Variants in SEMA3F observed in about 807,000 individuals in gnomAD.
SEMA3F encodes the protein semaphorin-3F.
SEMA3F carries 30 observed loss-of-function variants against 98.5 expected under a neutral mutation model. That is an observed-to-expected ratio of 0.30 (90% CI 0.23 to 0.41). SEMA3F has a LOEUF of 0.41. Among genes scored for constraint, SEMA3F ranks in the 10% least tolerant of loss-of-function variants. SEMA3F has a pLI of 1.00. For missense variants in SEMA3F, 866 were observed against 1,119.3 expected (o/e 0.77, Z 3.23); for synonymous variants, 380 against 444.8 (o/e 0.85, Z 1.83).
In SEMA3F at chr3:50,159,709, G is replaced by T; in HGVS notation, c.87G>T (p.Thr29=). ...SFPTQDHLPA[T]PRVRLSFKEL... is the part of the protein sequence containing the mutation. ...CCACCCAGGACCACCTCCCGGCCAC[G>T]CCCCGGGTCCGGCTCTCATTCAAAG... is the stretch of plus-strand genomic sequence containing the variant. The change falls in exon 2 of 19, where the codon ACG becomes ACT. Residue 29 remains threonine (T), a synonymous_variant. Coordinates refer to ENST00000002829, the MANE Select transcript of SEMA3F (RefSeq NM_004186.5). The T allele has an allele frequency of 1.2e-6, 2 of 1,611,944 alleles. No homozygotes were observed. Among genetic ancestry groups the T allele is most frequent in the Non-Finnish European group, 8.5e-7 (1 of 1,178,820 alleles).
intron 14 of SEMA3F, 60 bp downstream of exon 14, chr3:50,185,591 C>A (rs1229167907): frequency 6.2e-7 from 1 of 1,612,372 alleles, no homozygotes; most frequent in African/African-American, 1.3e-5. Context: ...CAGTCCCAGC[C>A]TCTGACCTGA....
chr3:50,155,609 C>A lies in SEMA3F; in HGVS notation c.-49+45C>A. The A allele has an allele frequency of 3.7e-6, 1 of 267,776 alleles. No homozygotes were observed. Among genetic ancestry groups the A allele is most frequent in the East Asian group, 6.3e-5 (1 of 15,980 alleles). 16.6% of individuals were successfully genotyped at this position (267,776 alleles called of 1,614,324 possible). ...GGAGGGAGCGGGCAGGCGGCCGGGC[C>A]ACCCCGCGACCCCTCTGGGACCCGC... On this transcript the variant is annotated intron_variant, in intron 1 of 18. Transcript: ENST00000002829. This position sits in a 1 kb window ranked among gnomAD's most constrained non-coding sequence, Gnocchi z 4.9.
Position 50,181,320 on chromosome 3 carries a change from T to A in SEMA3F, c.644-964T>A, listed in dbSNP as rs193168530. Among the ~76,000 whole-genome samples the A allele has an allele frequency of 2.1e-3, 317 of 151,988 alleles. 4 individuals carry two copies. Among genetic ancestry groups the A allele is most frequent in the African/African-American group, 6.6e-3 (275 of 41,500 alleles). ...TTTGTTTTTTTGTGTTTTTTTTTTT[T>A]ATTTTTGTTCCTGCTTTTTGAGACG... On this transcript the variant is annotated intron_variant, in intron 7 of 18. Coordinates refer to ENST00000002829, the MANE Select transcript of SEMA3F (RefSeq NM_004186.5).
At chr3:50,173,669 A>G (rs903408842) in intron 2 of SEMA3F, 124 bp from the exon 3 acceptor site, 10 of 739,356 alleles carry the variant, frequency 1.4e-5, no homozygotes, top group Non-Finnish European at 1.8e-5. Flanking sequence ...AAGAAAGAAA[A>G]AAGACCACTC....
At position 50,186,064 on chromosome 3, in the gene SEMA3F, C is replaced by A; in HGVS notation, c.1745+18C>A. The A allele has an allele frequency of 6.3e-7, 1 of 1,590,122 alleles. No homozygotes were observed. Among genetic ancestry groups the A allele is most frequent in the Non-Finnish European group, 8.6e-7 (1 of 1,164,506 alleles). On this transcript the variant is annotated intron_variant, in intron 16 of 18. Coordinates refer to ENST00000002829, the MANE Select transcript of SEMA3F (RefSeq NM_004186.5). ...TCCAAGAGGTGTGGACCCCTAGACACCTAGAATTTTAGCAACCAGTCCCAG... is the reference window on the plus strand; with the variant it reads ...TCCAAGAGGTGTGGACCCCTAGACAACTAGAATTTTAGCAACCAGTCCCAG...
chr3:50,157,084 G>T (rs1030937607), intron 1 of SEMA3F, among the ~76,000 whole-genome samples: 1 of 152,074 alleles, frequency 6.6e-6, no homozygotes, highest in East Asian at 1.9e-4. Flanking sequence ...TACGGCCCCT[G>T]TTCCTGCCTC....
In SEMA3F at chr3:50,182,312, C is replaced by T. The variant is rs759856982; in HGVS notation, c.672C>T (p.Ile224=). 6.8e-6 allele frequency: 11 copies of T among 1,613,978 alleles called. No individual in the cohort carries two copies. Among genetic ancestry groups the T allele is most frequent in the Admixed American group, 5.0e-5 (3 of 60,002 alleles). ...INEELYAGVY[I]DFMGTDAAIF... Reference sequence around the variant, plus strand: ...AGGAGCTCTATGCTGGTGTGTACATCGATTTTATGGGCACTGATGCAGCCA... The same window carrying T: ...AGGAGCTCTATGCTGGTGTGTACATTGATTTTATGGGCACTGATGCAGCCA... Residue 224 remains isoleucine, a synonymous_variant, in exon 8 of 19, where the codon ATC becomes ATT. Transcript: ENST00000002829. The surrounding 1 kb of genome is among the most constrained non-coding windows in gnomAD (Gnocchi z 4.5).
Position 50,186,262 on chromosome 3 carries a change from A to G in SEMA3F, c.1746-19A>G. 6.2e-7 allele frequency: 1 copy of G among 1,612,532 alleles called. No individual in the cohort carries two copies. The highest frequency in any genetic ancestry group is 8.5e-7 in the Non-Finnish European group (1 of 1,179,380). Reference sequence around the variant, plus strand: ...GCAAGCTTCCTGGGAGCACTCCTTCAGGGGCTATCCTCATCCAGGCGGAGC... The same window carrying G: ...GCAAGCTTCCTGGGAGCACTCCTTCGGGGGCTATCCTCATCCAGGCGGAGC... On this transcript the variant is annotated intron_variant, in intron 16 of 18. Coordinates refer to ENST00000002829, the MANE Select transcript of SEMA3F (RefSeq NM_004186.5).
chr3:50,182,337 A>G lies in SEMA3F; in HGVS notation c.697A>G (p.Ile233Val). ...YIDFMGTDAA[I>V]FRTLGKQTAM... Reference sequence around the variant, plus strand: ...CGATTTTATGGGCACTGATGCAGCCATCTTCCGCACACTTGGAAAGCAGAC... The same window carrying G: ...CGATTTTATGGGCACTGATGCAGCCGTCTTCCGCACACTTGGAAAGCAGAC... Residue 233 changes from isoleucine (I) to valine (V), a missense_variant, in exon 8 of 19, where the codon ATC (isoleucine) becomes GTC (valine). Physicochemically the swap from Ile to Val is conservative, Grantham distance 29. Transcript: ENST00000002829. This position sits in a 1 kb window ranked among gnomAD's most constrained non-coding sequence, Gnocchi z 4.5. 1.9e-6 allele frequency: 3 copies of G among 1,614,094 alleles called. No homozygotes were observed. The highest frequency in any genetic ancestry group is 2.5e-6 in the Non-Finnish European group (3 of 1,180,030).
chr3:50,182,689 G>A lies in SEMA3F; in HGVS notation c.809G>A (p.Arg270His), dbSNP rs759325844. The A allele has an allele frequency of 7.4e-6, 12 of 1,613,706 alleles. No homozygotes were observed. Among genetic ancestry groups the A allele is most frequent in the Non-Finnish European group, 9.3e-6 (11 of 1,180,018 alleles). Reference protein sequence around the residue: ...HAELIPDSAERNDDKLYFFFR... With the variant: ...HAELIPDSAEHNDDKLYFFFR... ...GAGCTCATTCCTGACAGTGCGGAGC[G>A]CAATGATGATAAGCTTTACTTCTTC... The change falls in exon 9 of 19, where the codon CGC becomes CAC. Residue 270 changes from arginine (R) to histidine (H), a missense_variant. This residue lies in a region of SEMA3F where 374 missense variants were observed against 582.8 expected (regional missense o/e 0.64). Coordinates refer to ENST00000002829, the MANE Select transcript of SEMA3F (RefSeq NM_004186.5). This position sits in a 1 kb window ranked among gnomAD's most constrained non-coding sequence, Gnocchi z 4.5.
chr3:50,185,757 CT>C, intron 15 of SEMA3F, 50 bp downstream of exon 15: 1 of 1,611,294 alleles, frequency 6.2e-7, no homozygotes, highest in Non-Finnish European at 8.5e-7. Context: ...CCTGCATCCC[CT>C]CAGGGTCATG....
In SEMA3F at chr3:50,186,786, C is replaced by T. The variant is rs147445085; in HGVS notation, c.1947+40C>T. The stretch of plus-strand genomic sequence containing the variant: ...CCGGTGCTGCACCGTGGATGTGAGT[C>T]CTTGCACAGTGGTGAAATGTAGTAG... On this transcript the variant is annotated intron_variant, in intron 18 of 18. Coordinates refer to ENST00000002829, the MANE Select transcript of SEMA3F (RefSeq NM_004186.5). 4.6e-4 allele frequency: 708 copies of T among 1,544,630 alleles called. 2 individuals are homozygous for T. Among genetic ancestry groups the T allele is most frequent in the South Asian group, 2.5e-3 (211 of 84,496 alleles).
chr3:50,187,921 C>A lies in SEMA3F; in HGVS notation c.2164C>A (p.Pro722Thr). 2 of 1,607,840 alleles carry A rather than the reference C, an allele frequency of 1.2e-6. No homozygotes were observed. Among genetic ancestry groups the A allele is most frequent in the Non-Finnish European group, 1.7e-6 (2 of 1,176,846 alleles). ...MSAPPPPGAG[P>T]PTPPYQELAQ... ...CGCCCCGCCACCCCCAGGCGCAGGCCCCCCAACGCCTCCTTACCAGGAGTT... is the reference window on the plus strand; with the variant it reads ...CGCCCCGCCACCCCCAGGCGCAGGCACCCCAACGCCTCCTTACCAGGAGTT... The change falls in exon 19 of 19, where the codon CCC becomes ACC. Residue 722 changes from proline to threonine, a missense_variant. Pro to Thr is a conservative substitution (Grantham distance 38). This residue lies in a region of SEMA3F where 245 missense variants were observed against 260.5 expected (regional missense o/e 0.94). Transcript: ENST00000002829.
At chr3:50,176,111 G>A (rs1295219255) in intron 6 of SEMA3F, among the ~76,000 whole-genome samples, 2 of 152,270 alleles carry the variant, frequency 1.3e-5, no homozygotes, top group Middle Eastern at 3.4e-3. Context: ...GGCACAGGGG[G>A]CTTTGTGAAT....
intron 16 of SEMA3F, 79 bp from the exon 17 acceptor site, chr3:50,186,202 G>T (rs1699204755): frequency 6.6e-7 from 1 of 1,523,244 alleles, no homozygotes. Context: ...AAAGGGCCCT[G>T]CCCTGGAGTC....
chr3:50,159,488 G>A (rs1177543903), intron 1 of SEMA3F, 87 bp from the exon 2 acceptor site: 4 of 595,276 alleles, frequency 6.7e-6, no homozygotes, highest in African/African-American at 1.9e-5. Flanking sequence ...AAGCGTGGAG[G>A]TACCCATCAA....
rs111969098 is a variant in SEMA3F, at chr3:50,176,470, C to G, written c.550-298C>G. Among the ~76,000 whole-genome samples, 672 of 152,312 alleles carry G rather than the reference C, an allele frequency of 4.4e-3. 12 individuals are homozygous for G. Among genetic ancestry groups the G allele is most frequent in the African/African-American group, 0.015 (621 of 41,560 alleles). ...CCAGTTGGCATGGAGGGGCTTCAGC[C>G]CCTACAAGCCCACTCCATGTCCATC... On this transcript the variant is annotated intron_variant, in intron 6 of 18. Coordinates refer to ENST00000002829, the MANE Select transcript of SEMA3F (RefSeq NM_004186.5).
At chr3:50,157,094 C>G (rs1698014518) in intron 1 of SEMA3F, among the ~76,000 whole-genome samples, 1 of 152,052 alleles carries the variant, frequency 6.6e-6, no homozygotes, top group African/African-American at 2.4e-5. Flanking sequence ...GTTCCTGCCT[C>G]CCTTCCATCC....
intron 12 of SEMA3F, among the ~76,000 whole-genome samples, chr3:50,183,868 G>T (rs1181739937): frequency 6.6e-6 from 1 of 152,170 alleles, no homozygotes; most frequent in African/African-American, 2.4e-5. Flanking sequence ...GAGGCAGGCT[G>T]GAGGTTGGCT....
Sources: gnomAD v4.1 joint callset for allele counts (sites outside exome capture counted in the v4.1 genomes callset) on GRCh38, gnomAD v4.1.1 for gene constraint, gnomAD v4.1.1 regional missense constraint, Gnocchi (gnomAD v3.1) non-coding constraint, MANE v1.5 for transcripts, NCBI Gene and HGNC (gene_info 2026-07-23, HGNC 2026-07-21) for gene names.